Variants in MAU2 observed in about 807,000 individuals in gnomAD.
MAU2 encodes the protein MAU2 sister chromatid cohesion factor, also known as MAU2 chromatid cohesion factor homolog.
In MAU2, 9 loss-of-function variants were observed where a neutral mutation model predicts 89.1. The ratio of observed to expected loss-of-function variants is 0.10; its 90% CI spans 0.06 to 0.18. The LOEUF (loss-of-function observed/expected upper bound fraction) is 0.18, where lower values mean the gene tolerates loss of function less well. MAU2 is among the 10% of genes least tolerant of loss of function. The probability of loss-of-function intolerance (pLI) is 1.00; values close to 1 mark genes in which losing one functional copy is unlikely to be tolerated. For missense variants in MAU2, 425 were observed against 803.5 expected (o/e 0.53, Z 5.69); for synonymous variants, 357 against 343.4 (o/e 1.04, Z -0.44).
intron 13 of MAU2, 91 bp downstream of exon 13, chr19:19,347,457 A>C: frequency 9.2e-6 from 9 of 974,012 alleles, no homozygotes; most frequent in South Asian, 1.4e-5. Context: ...AGCACATCTC[A>C]GCAGACCCCA....
intron 1 of MAU2, among the ~76,000 whole-genome samples, chr19:19,332,244 C>T (rs1291833123): frequency 2.0e-5 from 3 of 151,738 alleles, no homozygotes; most frequent in African/African-American, 7.3e-5. Context: ...CACTGCAGCC[C>T]CAAACTCCTG....
In MAU2 at chr19:19,323,042, C is replaced by T. The variant is rs111891462; in HGVS notation, c.276+1907C>T. Among the ~76,000 whole-genome samples the T allele has an allele frequency of 1.2e-4, 19 of 152,028 alleles. 1 individual carries two copies. Among genetic ancestry groups the T allele is most frequent in the African/African-American group, 4.6e-4 (19 of 41,480 alleles). On this transcript the variant is annotated intron_variant, in intron 1 of 18. Coordinates refer to ENST00000262815, the MANE Select transcript of MAU2 (RefSeq NM_015329.4). ...AGTAGCTGGGACTACAGGTGTGCGC[C>T]ACCACACCCAGCTAATTTTTGTATT... is the stretch of plus-strand genomic sequence containing the variant.
Position 19,358,121 on chromosome 19 carries a change from C to T in MAU2, c.*2339C>T, listed in dbSNP as rs556188085. Reference sequence around the variant, plus strand: ...ACAATGGAAGGCAGACAGCAAGTCCCTGAGGACACATCACACAGTGTCCTG... The same window carrying T: ...ACAATGGAAGGCAGACAGCAAGTCCTTGAGGACACATCACACAGTGTCCTG... On this transcript the variant is annotated 3_prime_UTR_variant, in exon 19 of 19. Coordinates refer to ENST00000262815, the MANE Select transcript of MAU2 (RefSeq NM_015329.4). 3.9e-4 allele frequency: 59 copies of T among 152,260 alleles called. No homozygotes were observed. The highest frequency in any genetic ancestry group is 1.3e-3 in the African/African-American group (56 of 41,530). 9.4% of individuals were successfully genotyped at this position (152,260 alleles called of 1,614,324 possible).
intron 8 of MAU2, 36 bp downstream of exon 8, chr19:19,342,717 GC>G: frequency 6.2e-7 from 1 of 1,613,248 alleles, no homozygotes; most frequent in Non-Finnish European, 8.5e-7. Context: ...AGGGCTGGGG[GC>G]GGGGGCAGGG....
chr19:19,328,514 C>T (rs995666721), intron 1 of MAU2, among the ~76,000 whole-genome samples: 1 of 151,810 alleles, frequency 6.6e-6, no homozygotes, highest in Non-Finnish European at 1.5e-5. Flanking sequence ...CTCCGTCTCC[C>T]GGGTTCATGC....
intron 1 of MAU2, among the ~76,000 whole-genome samples, chr19:19,329,700 A>AT (rs2061539251): frequency 6.6e-6 from 1 of 152,036 alleles, no homozygotes; most frequent in Non-Finnish European, 1.5e-5. Context: ...TGAGCCAGGC[A>AT]TGGTGGCTCA....
At chr19:19,332,951 C>G (rs183900453) in intron 1 of MAU2, among the ~76,000 whole-genome samples, 1 of 152,206 alleles carries the variant, frequency 6.6e-6, no homozygotes, top group East Asian at 1.9e-4. Flanking sequence ...GTGGCGCATG[C>G]CTGTAATCCC....
rs1347727138 is a variant in MAU2, at chr19:19,344,935, C to A, written c.1155+9C>A. ...AGCTGCACACATTGCTGGTGAGTAACCCTGTGACAACACCCCGGGAGAATC... is the reference window on the plus strand; with the variant it reads ...AGCTGCACACATTGCTGGTGAGTAAACCTGTGACAACACCCCGGGAGAATC... On this transcript the variant is annotated intron_variant, in intron 11 of 18. Transcript: ENST00000262815. 5.0e-6 allele frequency: 8 copies of A among 1,612,992 alleles called. No homozygotes were observed. The highest frequency in any genetic ancestry group is 6.8e-6 in the Non-Finnish European group (8 of 1,179,536).
rs757473456 is a variant in MAU2 at position 19,357,699 on chromosome 19, G to A, written c.*1917G>A. On this transcript the variant is annotated 3_prime_UTR_variant, in exon 19 of 19. Coordinates refer to ENST00000262815, the MANE Select transcript of MAU2 (RefSeq NM_015329.4). ...TTTTCATGACCACCCTGTTATCTAT[G>A]TATATGTAAAGTTAAGGATGAGATC... is the stretch of plus-strand genomic sequence containing the variant. 9.2e-5 allele frequency: 14 copies of A among 152,250 alleles called. No homozygotes were observed. Among genetic ancestry groups the A allele is most frequent in the Non-Finnish European group, 2.1e-4 (14 of 68,004 alleles). The allele number at this position is 152,250 out of a possible 1,614,324, so 9.4% of individuals were successfully genotyped here.
chr19:19,347,121 G>C lies in MAU2; in HGVS notation c.1222-159G>C, dbSNP rs1299696947. 14 of 607,620 alleles carry C rather than the reference G, an allele frequency of 2.3e-5. No individual in the cohort carries two copies. In the African/African-American group the frequency reaches 2.4e-4, roughly 10 times the overall value. The allele number at this position is 607,620 out of a possible 1,614,324, so 37.6% of individuals were successfully genotyped here. A position where few individuals can be genotyped will look rare whatever the true frequency, so the allele number is the denominator to read the frequency against. Reference sequence around the variant, plus strand: ...TTTATAATGAGAAGAAGTAATAGCTGTGTTATCCTTGAGCTTAGGAGGCAA... The same window carrying C: ...TTTATAATGAGAAGAAGTAATAGCTCTGTTATCCTTGAGCTTAGGAGGCAA... On this transcript the variant is annotated intron_variant, in intron 12 of 18. Transcript: ENST00000262815.
At chr19:19,349,670 T>C (rs1243970258) in intron 16 of MAU2, among the ~76,000 whole-genome samples, 2 of 152,098 alleles carry the variant, frequency 1.3e-5, no homozygotes, top group African/African-American at 4.8e-5. Context: ...GCCTCAGACA[T>C]TGGGCAGGCA....
At chr19:19,341,184 C>T (rs2061642640) in intron 6 of MAU2, 68 bp from the exon 7 acceptor site, 13 of 1,539,682 alleles carry the variant, frequency 8.4e-6, no homozygotes, top group South Asian at 7.2e-5. Flanking sequence ...GCAGGTGACC[C>T]TGTGCTCCCG....
At chr19:19,326,721 CATATAT>C (rs35247410) in intron 1 of MAU2, among the ~76,000 whole-genome samples, 2 of 80,992 alleles carry the variant, frequency 2.5e-5, no homozygotes, top group African/African-American at 4.1e-5. Context: ...TATATATATA[CATATAT>C]ATATATATAC....
Position 19,345,426 on chromosome 19 carries a change from C to T in MAU2, c.1221+57C>T, listed in dbSNP as rs138573166. 1.5e-5 allele frequency: 23 copies of T among 1,550,708 alleles called. No individual in the cohort carries two copies. The highest frequency in any genetic ancestry group is 1.7e-5 in the Non-Finnish European group (19 of 1,127,286). The stretch of plus-strand genomic sequence containing the variant: ...CGGGCCACACTTCTGAGTAAGGAGT[C>T]GGGCGTGGTCTGTGATGAGGACAGC... On this transcript the variant is annotated intron_variant, in intron 12 of 18. Coordinates refer to ENST00000262815, the MANE Select transcript of MAU2 (RefSeq NM_015329.4). The surrounding 1 kb of genome is among the most constrained non-coding windows in gnomAD (Gnocchi z 4.9).
rs1196751228 is a variant in MAU2 at position 19,345,196 on chromosome 19, T to C, written c.1156-108T>C. On this transcript the variant is annotated intron_variant, in intron 11 of 18. Coordinates refer to ENST00000262815, the MANE Select transcript of MAU2 (RefSeq NM_015329.4). This position sits in a 1 kb window ranked among gnomAD's most constrained non-coding sequence, Gnocchi z 4.9. ...CTTGCAGCTGGCTCGGTAGAGCCAT[T>C]GTCATACTCCTCCAGGGCAGCCGTG... 4.0e-6 allele frequency: 4 copies of C among 992,354 alleles called. No homozygotes were observed. The South Asian group carries it at 4.1e-5, about 10-fold the overall frequency. The allele number at this position is 992,354 out of a possible 1,614,324, so 61.5% of individuals were successfully genotyped here. A position where few individuals can be genotyped will look rare whatever the true frequency, so the allele number is the denominator to read the frequency against.
At chr19:19,334,137 T>C (rs1463909126) in intron 1 of MAU2, 3 of 983,152 alleles carry the variant, frequency 3.1e-6, no homozygotes, top group Non-Finnish European at 3.6e-6. Context: ...TCTGCTCTTC[T>C]GTTGCATCAC....
At chr19:19,347,078 C>T (rs1393075619) in intron 12 of MAU2, 6 of 555,536 alleles carry the variant, frequency 1.1e-5, no homozygotes, top group Admixed American at 3.2e-5. Context: ...CTAACTGCCC[C>T]GTAACGCAGA....
rs1358067072 is a variant in MAU2, at chr19:19,336,037, T to G, written c.295-85T>G. On this transcript the variant is annotated intron_variant, in intron 2 of 18. Transcript: ENST00000262815. ...CAGGGACGTGTGTGCCCTGCAGACC[T>G]TGGCAGGGTAGGAGCCCCAAGCTGT... The G allele has an allele frequency of 5.1e-6, 5 of 980,770 alleles. No individual in the cohort carries two copies. The Admixed American group carries it at 5.4e-5, about 11-fold the overall frequency. The allele number at this position is 980,770 out of a possible 1,614,324, so 60.8% of individuals were successfully genotyped here.
chr19:19,352,169 C>T (rs1041073566), intron 16 of MAU2: 1 of 151,810 alleles, frequency 6.6e-6, no homozygotes, highest in African/African-American at 2.4e-5. Context: ...TTCTCCACAC[C>T]TCTGTATTGG....
Sources: gnomAD v4.1 joint callset for allele counts (sites outside exome capture counted in the v4.1 genomes callset) on GRCh38, gnomAD v4.1.1 for gene constraint, Gnocchi (gnomAD v3.1) non-coding constraint, MANE v1.5 for transcripts, NCBI Gene and HGNC (gene_info 2026-07-23, HGNC 2026-07-21) for gene names.